POTEH: variants seen among roughly 807,000 people sequenced by gnomAD.
The protein encoded by POTEH is POTE ankyrin domain family member H, also known as ANKRD26-like family C member 3.
In POTEH, 6 loss-of-function variants were observed where a neutral mutation model predicts 41.7. The ratio of observed to expected loss-of-function variants is 0.14; its 90% CI spans 0.08 to 0.28. The LOEUF (loss-of-function observed/expected upper bound fraction) is 0.28. POTEH is among the 10% of genes least tolerant of loss of function. POTEH has a pLI of 1.00. For synonymous variants in POTEH, 38 were observed against 179.9 expected, an observed-to-expected ratio of 0.21 and a Z score of 6.31; for missense variants, 115 against 533.5, an observed-to-expected ratio of 0.22 and a Z score of 7.73.
intron 9 of POTEH, among the ~76,000 whole-genome samples, chr22:15,712,723 C>G (rs1250379757): frequency 2.0e-5 from 2 of 97,804 alleles, no homozygotes; most frequent in African/African-American, 4.2e-5. Flanking sequence ...CTGCATTTCT[C>G]TCTCTTTATT....
chr22:15,712,853 G>A (rs2212121), intron 9 of POTEH, among the ~76,000 whole-genome samples: 6,232 of 146,766 alleles, frequency 0.042, 603 homozygotes, highest in East Asian at 0.22. Context: ...GAGACCTTTA[G>A]TATTTCTTGG....
intron 1 of POTEH, among the ~76,000 whole-genome samples, chr22:15,692,753 T>TAAA (rs201703359): frequency 5.2e-5 from 6 of 116,144 alleles, no homozygotes; most frequent in Admixed American, 9.0e-5. Flanking sequence ...AGACCCCATC[T>TAAA]AAAAAAAAAA....
intron 1 of POTEH, among the ~76,000 whole-genome samples, chr22:15,692,753 T>TA (rs201703359): frequency 0.18 from 19,530 of 111,586 alleles, 1,037 homozygotes; most frequent in South Asian, 0.28. Context: ...AGACCCCATC[T>TA]AAAAAAAAAA....
At chr22:15,691,956 A>G (rs1378208546) in intron 1 of POTEH, among the ~76,000 whole-genome samples, 1 of 145,568 alleles carries the variant, frequency 6.9e-6, no homozygotes, top group Non-Finnish European at 1.5e-5. Flanking sequence ...CCAGAAGAAA[A>G]CACAAGTGCC....
intron 6 of POTEH, among the ~76,000 whole-genome samples, chr22:15,705,351 G>T (rs1256513944): frequency 1.3e-4 from 2 of 14,940 alleles, no homozygotes; most frequent in African/African-American, 2.1e-4. Context: ...TAATATGTTG[G>T]CCTTTTTTTT....
At position 15,721,617 on chromosome 22, in the gene POTEH, TG is replaced by T. The variant is rs1265534766; in HGVS notation, c.*339del. 2.9e-5 allele frequency: 41 copies of T among 1,405,782 alleles called. No individual in the cohort carries two copies. Among genetic ancestry groups the T allele is most frequent in the Non-Finnish European group, 3.8e-5 (39 of 1,037,174 alleles). The allele number at this position is 1,405,782 out of a possible 1,614,324, so 87.1% of individuals were successfully genotyped here. ...GGGTGCCCCAGGCACCAGAACATGA[TG>T]GGGGGCATGCGTCAGATGGAGTCCT... On this transcript the variant is annotated 3_prime_UTR_variant, in exon 11 of 11. Coordinates refer to ENST00000343518, the MANE Select transcript of POTEH (RefSeq NM_001136213.1).
At chr22:15,691,434 G>A (rs2123823649) in intron 1 of POTEH, among the ~76,000 whole-genome samples, 1 of 124,770 alleles carries the variant, frequency 8.0e-6, no homozygotes, top group Non-Finnish European at 1.8e-5. Context: ...GCTGAGGCAG[G>A]AGAATGGCGT....
In POTEH at chr22:15,691,874, C is replaced by A. The variant is rs1259970666; in HGVS notation, c.632+1165C>A. On this transcript the variant is annotated intron_variant, in intron 1 of 10. Coordinates refer to ENST00000343518, the MANE Select transcript of POTEH (RefSeq NM_001136213.1). ...GTTCATAATTCATTTTTGGAGAAAA[C>A]TAGCTAGATGTTTATATCACAAAAA... Among the ~76,000 whole-genome samples, 5 of 148,388 alleles carry A rather than the reference C, an allele frequency of 3.4e-5. No homozygotes were observed. The East Asian group carries it at 1.0e-3, about 30-fold the overall frequency.
At chr22:15,692,149 C>T (rs1229971810) in intron 1 of POTEH, among the ~76,000 whole-genome samples, 10 of 129,314 alleles carry the variant, frequency 7.7e-5, no homozygotes, top group Admixed American at 2.4e-4. Flanking sequence ...GGATTACAGG[C>T]GCCTGCCACC....
Position 15,690,168 on chromosome 22 carries a change from T to C in POTEH, c.91T>C (p.Cys31Arg). The change falls in exon 1 of 11, where the codon TGC becomes CGC. Residue 31 changes from cysteine to arginine, a missense_variant. By Grantham distance (180) the Cys-to-Arg change is radical. Coordinates refer to ENST00000343518, the MANE Select transcript of POTEH (RefSeq NM_001136213.1). ...RSKMGKWCRH[C>R]FAWCRGSGKS... ...CAAGATGGGCAAGTGGTGCCGCCAC[T>C]GCTTCGCCTGGTGCAGGGGGAGCGG... The C allele has an allele frequency of 1.5e-6, 2 of 1,357,626 alleles. No individual in the cohort carries two copies. The highest frequency in any genetic ancestry group is 4.7e-5 in the East Asian group (2 of 42,850). 84.1% of individuals were successfully genotyped at this position (1,357,626 alleles called of 1,614,324 possible).
At position 15,715,549 on chromosome 22, in the gene POTEH, G is replaced by GTCAC. The variant is rs1368413976; in HGVS notation, c.1521-4110_1521-4107dup. Among the ~76,000 whole-genome samples, 2 of 24,160 alleles carry GTCAC rather than the reference G, an allele frequency of 8.3e-5. 1 individual carries two copies. The highest frequency in any genetic ancestry group is 1.6e-4 in the Non-Finnish European group (2 of 12,328). The allele number at this position is 24,160 out of a possible 152,430, so 15.8% of individuals were successfully genotyped here. A position where few individuals can be genotyped will look rare whatever the true frequency, so the allele number is the denominator to read the frequency against. The stretch of plus-strand genomic sequence containing the variant: ...TTATTTAGAGATAGAGTCTCGCTCT[G>GTCAC]TCACCCAGGCTGCAGTGCAGTGGCG... On this transcript the variant is annotated intron_variant, in intron 9 of 10. Coordinates refer to ENST00000343518, the MANE Select transcript of POTEH (RefSeq NM_001136213.1).
In POTEH at chr22:15,691,439, T is replaced by C. The variant is rs1217119546; in HGVS notation, c.632+730T>C. 2.5e-5 allele frequency among the ~76,000 whole-genome samples: 3 copies of C among 119,184 alleles called. No homozygotes were observed. In the East Asian group the frequency reaches 6.5e-4, roughly 26 times the overall value. 78.2% of individuals were successfully genotyped at this position (119,184 alleles called of 152,430 possible). A position where few individuals can be genotyped will look rare whatever the true frequency, so the allele number is the denominator to read the frequency against. On this transcript the variant is annotated intron_variant, in intron 1 of 10. Transcript: ENST00000343518. Reference sequence around the variant, plus strand: ...TACTCAGGAGGCTGAGGCAGGAGAATGGCGTGAACCTGGGAGGCGGAGCTT... The same window carrying C: ...TACTCAGGAGGCTGAGGCAGGAGAACGGCGTGAACCTGGGAGGCGGAGCTT...
At chr22:15,692,148 G>T (rs1463429633) in intron 1 of POTEH, among the ~76,000 whole-genome samples, 1 of 129,434 alleles carries the variant, frequency 7.7e-6, no homozygotes, top group African/African-American at 2.7e-5. Flanking sequence ...GGGATTACAG[G>T]CGCCTGCCAC....
chr22:15,691,112 A>G (rs1419260989), intron 1 of POTEH, among the ~76,000 whole-genome samples: 1 of 144,214 alleles, frequency 6.9e-6, no homozygotes, highest in African/African-American at 2.5e-5. Flanking sequence ...AAAATCCAGT[A>G]TGGATTTTAT....
chr22:15,692,193 G>A (rs1447560796), intron 1 of POTEH, among the ~76,000 whole-genome samples: 1 of 135,094 alleles, frequency 7.4e-6, no homozygotes, highest in African/African-American at 2.6e-5. Context: ...TTTTAGTAGA[G>A]ATGGGGTTTC....
At chr22:15,703,974 A>G (rs1989616493) in intron 6 of POTEH, among the ~76,000 whole-genome samples, 1 of 151,502 alleles carries the variant, frequency 6.6e-6, no homozygotes, top group South Asian at 2.1e-4. Context: ...AGCACAAACA[A>G]TTAAAAGTAG....
At chr22:15,714,470 C>T (rs1270603026) in intron 9 of POTEH, among the ~76,000 whole-genome samples, 2 of 152,016 alleles carry the variant, frequency 1.3e-5, no homozygotes, top group African/African-American at 4.8e-5. Flanking sequence ...ATCTCTTTTG[C>T]TCTGTTTCAG....
intron 6 of POTEH, among the ~76,000 whole-genome samples, chr22:15,707,438 TA>T: frequency 3.7e-5 from 1 of 27,016 alleles, no homozygotes; most frequent in African/African-American, 1.8e-4. Flanking sequence ...TGCTTGCCTG[TA>T]ATCACAGCTA....
At chr22:15,700,270 A>T in intron 5 of POTEH, 55 bp downstream of exon 5, 1 of 917,348 alleles carries the variant, frequency 1.1e-6, no homozygotes, top group Non-Finnish European at 1.6e-6. Flanking sequence ...TAAAATAATT[A>T]TAACAGTTAC....
Sources: allele counts gnomAD v4.1 joint callset (sites outside exome capture counted in the v4.1 genomes callset), GRCh38; gene constraint gnomAD v4.1.1; transcripts MANE v1.5; gene names NCBI Gene and HGNC (gene_info 2026-07-23, HGNC 2026-07-21).